The following SLIT3 variants were observed in gnomAD, a reference collection of about 807,000 sequenced individuals.
The protein encoded by SLIT3 is slit guidance ligand 3.
Under a neutral mutation model 184.0 loss-of-function variants are expected in SLIT3, and 68 were observed. The ratio of observed to expected loss-of-function variants is 0.37; its 90% CI spans 0.30 to 0.45. SLIT3 has a LOEUF of 0.45. Among genes scored for constraint, SLIT3 ranks in the 20% least tolerant of loss-of-function variants. The pLI, the probability that SLIT3 is intolerant of heterozygous loss-of-function variation, is 1.00. For synonymous variants in SLIT3, 831 were observed against 828.6 expected, an observed-to-expected ratio of 1.00 and a Z score of -0.05; for missense variants, 1,707 against 2,026.0, an observed-to-expected ratio of 0.84 and a Z score of 3.02.
At chr5:168,713,615 G>A (rs1202879019) in intron 23 of SLIT3, among the ~76,000 whole-genome samples, 2 of 152,232 alleles carry the variant, frequency 1.3e-5, no homozygotes, top group African/African-American at 4.8e-5. Context: ...GACGATTAGT[G>A]TTGACAGTGG....
chr5:169,097,999 A>G (rs892028774), intron 4 of SLIT3, among the ~76,000 whole-genome samples: 1 of 152,208 alleles, frequency 6.6e-6, no homozygotes, highest in Admixed American at 6.5e-5. Context: ...TTTAAAATAT[A>G]CTTGACAAGT....
chr5:169,094,760 C>G (rs1235013135), intron 4 of SLIT3, among the ~76,000 whole-genome samples: 1 of 152,250 alleles, frequency 6.6e-6, no homozygotes, highest in Non-Finnish European at 1.5e-5. Context: ...AGTTTGCTAA[C>G]TGTGGCCCTA....
intron 4 of SLIT3, among the ~76,000 whole-genome samples, chr5:169,119,557 A>G (rs1475040256): frequency 1.3e-5 from 2 of 152,168 alleles, no homozygotes; most frequent in Non-Finnish European, 2.9e-5. Flanking sequence ...ACACACAATC[A>G]TTTTTCTTTG....
chr5:168,961,053 G>T (rs753140321), intron 4 of SLIT3, among the ~76,000 whole-genome samples: 1 of 152,090 alleles, frequency 6.6e-6, no homozygotes, highest in Non-Finnish European at 1.5e-5. Flanking sequence ...GGAGTCCATG[G>T]ATAATCTCTA....
chr5:168,802,753 A>G (rs1329719080), intron 9 of SLIT3, among the ~76,000 whole-genome samples: 1 of 152,226 alleles, frequency 6.6e-6, no homozygotes, highest in East Asian at 1.9e-4. Context: ...GGTCGTGGTG[A>G]TAGTTGTAGT....
chr5:169,001,465 TA>T (rs1237226325), intron 4 of SLIT3, among the ~76,000 whole-genome samples: 2 of 152,162 alleles, frequency 1.3e-5, no homozygotes, highest in African/African-American at 4.8e-5. Context: ...TACAGGCACA[TA>T]GGCGGGTCAC....
chr5:168,977,917 C>A (rs1488191841), intron 4 of SLIT3, among the ~76,000 whole-genome samples: 3 of 152,122 alleles, frequency 2.0e-5, no homozygotes, highest in Non-Finnish European at 4.4e-5. Flanking sequence ...GCCAATCAAG[C>A]AACAATTACA....
intron 4 of SLIT3, among the ~76,000 whole-genome samples, chr5:168,910,961 A>G (rs1328202287): frequency 1.3e-5 from 2 of 152,074 alleles, no homozygotes; most frequent in Non-Finnish European, 2.9e-5. Flanking sequence ...TTTGTAAAGA[A>G]AACACTCATG....
chr5:169,159,603 G>A (rs1306031347), intron 4 of SLIT3, among the ~76,000 whole-genome samples: 1 of 151,238 alleles, frequency 6.6e-6, no homozygotes, highest in Non-Finnish European at 1.5e-5. Context: ...GTGAAACCCC[G>A]TCTCTACTAA....
chr5:169,083,972 C>T (rs1759177571), intron 4 of SLIT3, among the ~76,000 whole-genome samples: 1 of 152,190 alleles, frequency 6.6e-6, no homozygotes, highest in Non-Finnish European at 1.5e-5. Flanking sequence ...CTGCCTGTTA[C>T]TCCCTTCGCT....
At chr5:168,974,935 C>G (rs1466865476) in intron 4 of SLIT3, among the ~76,000 whole-genome samples, 2 of 152,168 alleles carry the variant, frequency 1.3e-5, no homozygotes, top group African/African-American at 4.8e-5. Flanking sequence ...TTCTAGAAAC[C>G]CTGTTCATTT....
intron 4 of SLIT3, among the ~76,000 whole-genome samples, chr5:169,011,469 C>T (rs541306702): frequency 3.3e-5 from 5 of 152,204 alleles, no homozygotes; most frequent in Admixed American, 3.3e-4. Flanking sequence ...TTCATTCCTC[C>T]GCGGCTCAAT....
intron 4 of SLIT3, among the ~76,000 whole-genome samples, chr5:168,890,482 C>T (rs970681307): frequency 6.6e-6 from 1 of 152,184 alleles, no homozygotes; most frequent in Non-Finnish European, 1.5e-5. Flanking sequence ...GAATAATCTT[C>T]TGATCAGATA....
intron 4 of SLIT3, among the ~76,000 whole-genome samples, chr5:169,192,480 C>G (rs914097370): frequency 1.3e-5 from 2 of 148,652 alleles, no homozygotes; most frequent in Non-Finnish European, 3.0e-5. Flanking sequence ...AATATATATT[C>G]CTAATTCAGA....
In SLIT3 at chr5:169,173,712, G is replaced by A. The variant is rs191357590; in HGVS notation, c.413+19767C>T. ...ATTTTCCCTATTTTCAGAGGACAAG[G>A]GAATTAAATTGCATGGCACTCTAGG... On this transcript the variant is annotated intron_variant, in intron 4 of 35. Coordinates refer to ENST00000519560, the MANE Select transcript of SLIT3 (RefSeq NM_003062.4). 3.3e-5 allele frequency among the ~76,000 whole-genome samples: 5 copies of A among 152,310 alleles called. No homozygotes were observed. The East Asian group carries it at 9.7e-4, about 29-fold the overall frequency.
chr5:169,019,327 T>C (rs1196330975), intron 4 of SLIT3, among the ~76,000 whole-genome samples: 2 of 152,256 alleles, frequency 1.3e-5, no homozygotes, highest in Non-Finnish European at 2.9e-5. Context: ...GTCTTGACTC[T>C]CTGCCCTTTG....
intron 1 of SLIT3, among the ~76,000 whole-genome samples, chr5:169,290,311 A>G (rs933494079): frequency 1.3e-5 from 2 of 149,450 alleles, no homozygotes; most frequent in African/African-American, 4.9e-5. Flanking sequence ...ACCAGGGCAC[A>G]TGCTAAGGCA....
chr5:169,077,238 G>A (rs554346644), intron 4 of SLIT3, among the ~76,000 whole-genome samples: 3 of 151,916 alleles, frequency 2.0e-5, no homozygotes, highest in East Asian at 1.9e-4. Context: ...CTAGTTTATT[G>A]TAAGAATACA....
chr5:168,861,154 C>T (rs938230867), intron 5 of SLIT3, among the ~76,000 whole-genome samples: 18 of 152,114 alleles, frequency 1.2e-4, no homozygotes, highest in Non-Finnish European at 2.4e-4. Context: ...ATGTGCACAA[C>T]GTGCAGGTTT....
Sources: gnomAD v4.1 joint callset for allele counts (sites outside exome capture counted in the v4.1 genomes callset) on GRCh38, gnomAD v4.1.1 for gene constraint, MANE v1.5 for transcripts, NCBI Gene and HGNC (gene_info 2026-07-23, HGNC 2026-07-21) for gene names.